Variants in KIAA0825 observed in about 807,000 individuals in gnomAD.
KIAA0825 encodes the protein uncharacterized protein KIAA0825.
KIAA0825 carries 119 observed loss-of-function variants against 147.6 expected under a neutral mutation model. That is an observed-to-expected ratio of 0.81 (90% CI 0.69 to 0.94). KIAA0825 has a LOEUF of 0.94. Ranked by LOEUF, KIAA0825 falls within the 40% of genes least tolerant of loss-of-function variation. The pLI is 0.00. For missense variants in KIAA0825, 1,381 were observed against 1,472.7 expected (o/e 0.94, Z 1.02); for synonymous variants, 470 against 518.1 (o/e 0.91, Z 1.26).
At chr5:94,508,547 A>G (rs765828453) in intron 5 of KIAA0825, among the ~76,000 whole-genome samples, 31 of 152,114 alleles carry the variant, frequency 2.0e-4, no homozygotes, top group Non-Finnish European at 1.6e-4. Flanking sequence ...AAGGGGGGGG[A>G]AGTAAGGAAA....
intron 8 of KIAA0825, 30 bp from the exon 9 acceptor site, chr5:94,471,761 A>C: frequency 6.5e-7 from 1 of 1,548,074 alleles, no homozygotes; most frequent in Non-Finnish European, 8.7e-7. Context: ...GCACTGAGTT[A>C]TTTGTATTCT....
intron 20 of KIAA0825, among the ~76,000 whole-genome samples, chr5:94,230,724 G>A (rs527364863): frequency 2.8e-4 from 42 of 152,164 alleles, no homozygotes; most frequent in Non-Finnish European, 5.7e-4. Context: ...GCAAAGGTAT[G>A]TATGGGCTCC....
chr5:94,499,585 T>TGGG (rs34401680), intron 5 of KIAA0825, among the ~76,000 whole-genome samples: 3 of 69,772 alleles, frequency 4.3e-5, no homozygotes, highest in Non-Finnish European at 7.3e-5. Flanking sequence ...TTTCCCAATC[T>TGGG]GGGGGGGGGG....
chr5:94,406,970 G>A (rs1261295311), intron 15 of KIAA0825, among the ~76,000 whole-genome samples: 1 of 152,192 alleles, frequency 6.6e-6, no homozygotes, highest in African/African-American at 2.4e-5. Context: ...TCCCCAGGAT[G>A]TTTCGTCAAA....
intron 14 of KIAA0825, among the ~76,000 whole-genome samples, chr5:94,434,331 A>G (rs991623677): frequency 6.6e-6 from 1 of 152,370 alleles, no homozygotes. Context: ...TATGAAGCAT[A>G]AATTATAAAT....
chr5:94,227,146 C>G (rs1774252162), intron 20 of KIAA0825, among the ~76,000 whole-genome samples: 1 of 152,156 alleles, frequency 6.6e-6, no homozygotes, highest in African/African-American at 2.4e-5. Flanking sequence ...TGGAACCAAC[C>G]CAAATGTCCA....
At chr5:94,210,692 T>C (rs1329927173) in intron 20 of KIAA0825, among the ~76,000 whole-genome samples, 2 of 152,110 alleles carry the variant, frequency 1.3e-5, no homozygotes, top group African/African-American at 4.8e-5. Context: ...AATTCTTTTT[T>C]TACAAACTAC....
intron 7 of KIAA0825, among the ~76,000 whole-genome samples, chr5:94,475,681 C>T (rs565572114): frequency 5.3e-5 from 8 of 152,028 alleles, no homozygotes; most frequent in South Asian, 2.1e-4. Flanking sequence ...TTGTGGTGGG[C>T]GCCTGTAATC....
intron 1 of KIAA0825, among the ~76,000 whole-genome samples, chr5:94,599,936 A>AC (rs201326420): frequency 5.3e-5 from 8 of 151,922 alleles, no homozygotes; most frequent in Admixed American, 3.9e-4. Flanking sequence ...TGTGTTGTCC[A>AC]CCCCCCCAAA....
At chr5:94,220,973 A>G (rs1773621143) in intron 20 of KIAA0825, among the ~76,000 whole-genome samples, 1 of 152,180 alleles carries the variant, frequency 6.6e-6, no homozygotes, top group African/African-American at 2.4e-5. Flanking sequence ...CTCAGTAACC[A>G]CTGATTCATT....
rs567754853 is a variant in KIAA0825, at chr5:94,576,205, T to C, written c.-2+6228A>G. Among the ~76,000 whole-genome samples, 148 of 152,298 alleles carry C rather than the reference T, an allele frequency of 9.7e-4. 1 individual carries two copies. The highest frequency in any genetic ancestry group is 3.4e-3 in the African/African-American group (142 of 41,564). ...ATCTTTAAAAAAACCTTAACATATA[T>C]ACAAAATAAACACAAGGGTGAATAA... On this transcript the variant is annotated intron_variant, in intron 2 of 20. Transcript: ENST00000682413.
intron 20 of KIAA0825, among the ~76,000 whole-genome samples, chr5:94,348,637 A>G (rs1014509455): frequency 2.0e-5 from 3 of 152,152 alleles, no homozygotes; most frequent in African/African-American, 7.2e-5. Context: ...TTTCATGCAA[A>G]TGGACACCAA....
chr5:94,519,007 A>C (rs1372932728), intron 5 of KIAA0825, among the ~76,000 whole-genome samples: 2 of 152,084 alleles, frequency 1.3e-5, no homozygotes, highest in Non-Finnish European at 2.9e-5. Context: ...AATAAAGTGC[A>C]TTTTAAAATT....
chr5:94,304,097 G>C (rs952561134), intron 20 of KIAA0825, among the ~76,000 whole-genome samples: 1 of 152,028 alleles, frequency 6.6e-6, no homozygotes, highest in Non-Finnish European at 1.5e-5. Flanking sequence ...TATTAAGTTT[G>C]CATAAAAATC....
intron 20 of KIAA0825, among the ~76,000 whole-genome samples, chr5:94,202,799 G>T (rs1583837203): frequency 6.6e-6 from 1 of 152,128 alleles, no homozygotes; most frequent in African/African-American, 2.4e-5. Context: ...ACCCAATGAG[G>T]CACATGGTCT....
intron 18 of KIAA0825, among the ~76,000 whole-genome samples, chr5:94,387,413 G>C (rs1216734798): frequency 6.6e-6 from 1 of 152,180 alleles, no homozygotes; most frequent in Non-Finnish European, 1.5e-5. Flanking sequence ...AGCATTCCCA[G>C]CTGGGTGCAG....
chr5:94,424,409 C>T (rs1042506465), intron 14 of KIAA0825, among the ~76,000 whole-genome samples: 1 of 151,904 alleles, frequency 6.6e-6, no homozygotes, highest in African/African-American at 2.4e-5. Context: ...TAAACAACAT[C>T]GTCCTGAATG....
intron 20 of KIAA0825, among the ~76,000 whole-genome samples, chr5:94,341,707 A>G (rs1311061150): frequency 6.6e-6 from 1 of 152,154 alleles, no homozygotes; most frequent in African/African-American, 2.4e-5. Flanking sequence ...TGAAAAGTAC[A>G]TGGATTGCTT....
At chr5:94,421,250 C>T (rs569479058) in intron 14 of KIAA0825, among the ~76,000 whole-genome samples, 12 of 152,204 alleles carry the variant, frequency 7.9e-5, no homozygotes, top group Non-Finnish European at 1.8e-4. Flanking sequence ...TGGACTAAAA[C>T]TGTATTTACA....
Sources: gnomAD v4.1 joint callset for allele counts (sites outside exome capture counted in the v4.1 genomes callset) on GRCh38, gnomAD v4.1.1 for gene constraint, MANE v1.5 for transcripts, NCBI Gene and HGNC (gene_info 2026-07-23, HGNC 2026-07-21) for gene names.